Variants in PLXNA3 observed in about 807,000 individuals in gnomAD.
PLXNA3 encodes plexin A3.
Under a neutral mutation model 118.8 loss-of-function variants are expected in PLXNA3, and 52 were observed. The ratio of observed to expected loss-of-function variants is 0.44; its 90% CI spans 0.35 to 0.55. The LOEUF (loss-of-function observed/expected upper bound fraction) is 0.55, where lower values mean the gene tolerates loss of function less well. Among genes scored for constraint, PLXNA3 ranks in the 20% least tolerant of loss-of-function variants. The pLI is 0.01. For synonymous variants in PLXNA3, 925 were observed against 762.4 expected, an observed-to-expected ratio of 1.21 and a Z score of -3.51; for missense variants, 1,660 against 1,730.8, an observed-to-expected ratio of 0.96 and a Z score of 0.73.
rs782757513 is a variant in PLXNA3 at position 154,466,594 on chromosome X, C to G, written c.2937-29C>G. On this transcript the variant is annotated intron_variant, in intron 16 of 32. Transcript: ENST00000369682. ...GGGTGGCTGAGGGCCCTGGGCCACC[C>G]GCTCCAAGCACCCTGCTTGCCAATG... The G allele has an allele frequency of 1.1e-5, 13 of 1,192,683 alleles. No homozygotes were observed. The East Asian group carries it at 1.5e-4, about 14-fold the overall frequency.
Position 154,461,729 on chromosome X carries a change from G to C in PLXNA3, c.1134+91G>C, listed in dbSNP as rs781900809. On this transcript the variant is annotated intron_variant, in intron 3 of 32. Transcript: ENST00000369682. ...CTCACGGCCAGTCATCCTGTCCCAG[G>C]CTTTGCCATGGCCCTGGGAGTGGCA... 3.2e-6 allele frequency: 3 copies of C among 924,185 alleles called. No homozygotes were observed. The Admixed American group carries it at 8.6e-5, about 26-fold the overall frequency. 76.2% of individuals were successfully genotyped at this position (924,185 alleles called of 1,213,427 possible).
chrX:154,463,124 C>A (rs926672304), intron 4 of PLXNA3, among the ~76,000 whole-genome samples: 1 of 111,516 alleles, frequency 9.0e-6, no homozygotes, highest in African/African-American at 3.3e-5. Context: ...CTACCTCATT[C>A]TCCTAATCAA....
In PLXNA3 at chrX:154,464,435, C is replaced by T. The variant is rs1557206206; in HGVS notation, c.1862C>T (p.Ser621Phe). 3.3e-6 allele frequency: 4 copies of T among 1,211,350 alleles called. No homozygotes were observed. The highest frequency in any genetic ancestry group is 1.8e-5 in the South Asian group (1 of 57,010). Reference sequence around the variant, plus strand: ...CGCACTGTGCGGCTGCAGCTTCTCTCCAAGGAGACAGGCGTGAGGTTTGCC... The same window carrying T: ...CGCACTGTGCGGCTGCAGCTTCTCTTCAAGGAGACAGGCGTGAGGTTTGCC... ...ATRTVRLQLLSKETGVRFAGA... is the reference protein window; with the variant it reads ...ATRTVRLQLLFKETGVRFAGA... The change falls in exon 9 of 33, where the codon TCC becomes TTC. Residue 621 changes from serine (S) to phenylalanine (F), a missense_variant. This residue lies in a region of PLXNA3 where 791 missense variants were observed against 652.1 expected (regional missense o/e 1.21). Coordinates refer to ENST00000369682, the MANE Select transcript of PLXNA3 (RefSeq NM_017514.5).
Position 154,464,880 on chromosome X carries a change from G to A in PLXNA3, c.2043+12G>A, listed in dbSNP as rs200734243. On this transcript the variant is annotated intron_variant, in intron 10 of 32. Transcript: ENST00000369682. ...TCCACAGCCCTGAGGTGAGGCGGGCGCCGCATGTGAGGGGCTGGGCTCTGT... is the reference window on the plus strand; with the variant it reads ...TCCACAGCCCTGAGGTGAGGCGGGCACCGCATGTGAGGGGCTGGGCTCTGT... The A allele has an allele frequency of 1.7e-4, 200 of 1,147,124 alleles. No individual in the cohort carries two copies. The African/African-American group carries it at 2.2e-3, about 13-fold the overall frequency. The allele number at this position is 1,147,124 out of a possible 1,213,427, so 94.5% of individuals were successfully genotyped here. A position where few individuals can be genotyped will look rare whatever the true frequency, so the allele number is the denominator to read the frequency against.
At chrX:154,461,924 GGCTTCGCTCCTCGCTCCCT>G (rs1557204767) in intron 3 of PLXNA3, among the ~76,000 whole-genome samples, 185 bp from the exon 4 acceptor site, 1 of 112,154 alleles carries the variant, frequency 8.9e-6, no homozygotes, top group Non-Finnish European at 1.9e-5. Context: ...TGTGGGCCCA[GGCTTCGCTCCTCGCTCCCT>G]GCTGTCCCTC....
At position 154,461,108 on chromosome X, in the gene PLXNA3, G is replaced by C; in HGVS notation, c.604G>C (p.Asp202His). 1 of 1,197,974 alleles carries C rather than the reference G, an allele frequency of 8.3e-7. No individual in the cohort carries two copies. The highest frequency in any genetic ancestry group is 1.1e-6 in the Non-Finnish European group (1 of 885,483). Residue 202 changes from aspartate (D) to histidine (H), a missense_variant, in exon 3 of 33, where the codon GAT becomes CAT. Physicochemically the swap from Asp to His is moderately conservative, Grantham distance 81. This residue lies in a region of PLXNA3 where 791 missense variants were observed against 652.1 expected (regional missense o/e 1.21). Transcript: ENST00000369682. ...TCCCCCTGCTCCCCAGGTGTACCAG[G>C]ATGAGTTTGTGTCCTCCCAGATCAA... ...SADMFSLVYQ[D>H]EFVSSQIKIP...
chrX:154,464,771 G>T lies in PLXNA3; in HGVS notation c.1946G>T (p.Gly649Val). ...CCCCCCAGGTGCATGTCCTGTGTTG[G>T]CAGCCCTTACCCCTGCCACTGGTGT... ...SVLQSCMSCV[G>V]SPYPCHWCKY... Residue 649 changes from glycine to valine, a missense_variant, in exon 10 of 33, where the codon GGC becomes GTC. Physicochemically the swap from Gly to Val is moderately radical, Grantham distance 109. This residue lies in a region of PLXNA3 where 791 missense variants were observed against 652.1 expected (regional missense o/e 1.21). Transcript: ENST00000369682. 8.4e-7 allele frequency: 1 copy of T among 1,189,340 alleles called. No homozygotes were observed. Among genetic ancestry groups the T allele is most frequent in the African/African-American group, 1.7e-5 (1 of 57,383 alleles).
Position 154,467,113 on chromosome X carries a change from G to A in PLXNA3, c.3164G>A (p.Arg1055Gln). ...CACCTGCTGACGGTCCAGGAGCCCC[G>A]GGTCCGTGCCAAGTACCGCGGCATT... ...GTHLLTVQEP[R>Q]VRAKYRGIET... The change falls in exon 18 of 33, where the codon CGG becomes CAG. Residue 1055 changes from arginine (R) to glutamine (Q), a missense_variant. By Grantham distance (43) the Arg-to-Gln change is conservative. Around this residue, in one of 2 missense-constraint regions of PLXNA3, gnomAD observed 869 missense variants for 1,078.7 expected, o/e 0.81. Transcript: ENST00000369682. 8.3e-6 allele frequency: 10 copies of A among 1,210,600 alleles called. No individual in the cohort carries two copies. The highest frequency in any genetic ancestry group is 1.0e-5 in the Non-Finnish European group (9 of 895,091).
rs1557204347 is a variant in PLXNA3, at chrX:154,461,379, T to A, written c.875T>A (p.Val292Glu). 2.5e-6 allele frequency: 3 copies of A among 1,211,804 alleles called. No individual in the cohort carries two copies. The change falls in exon 3 of 33, where the codon GTG becomes GAG. Residue 292 changes from valine to glutamate, a missense_variant. Around this residue, in one of 2 missense-constraint regions of PLXNA3, gnomAD observed 791 missense variants for 652.1 expected, o/e 1.21. Coordinates refer to ENST00000369682, the MANE Select transcript of PLXNA3 (RefSeq NM_017514.5). ...TGGCGCGGCGTGGAGTACCGCTTGG[T>A]GCAGAGCGCCCACCTGGCCAAGCCT... ...CSWRGVEYRL[V>E]QSAHLAKPGL...
chrX:154,477,681 T>TG lies in PLXNA3; in HGVS notation c.*4997dup, dbSNP rs1454034936. 3.4e-6 allele frequency: 1 copy of TG among 290,377 alleles called. No individual in the cohort carries two copies. The highest frequency in any genetic ancestry group is 5.9e-6 in the Non-Finnish European group (1 of 168,767). The allele number at this position is 290,377 out of a possible 1,213,427, so 23.9% of individuals were successfully genotyped here. On this transcript the variant is annotated 3_prime_UTR_variant, in exon 33 of 33. Transcript: ENST00000369682. Reference sequence around the variant, plus strand: ...TTGTCTTCAATTTCCTTGTACTCCTTGAATATCTGAATTCTAGAACCCCCC... The same window carrying TG: ...TTGTCTTCAATTTCCTTGTACTCCTTGGAATATCTGAATTCTAGAACCCCCC...
intron 32 of PLXNA3, among the ~76,000 whole-genome samples, chrX:154,472,342 G>A (rs1390127463): frequency 1.8e-5 from 2 of 110,565 alleles, no homozygotes; most frequent in African/African-American, 6.6e-5. Flanking sequence ...ATCCAGCACG[G>A]CGAGTCCAGA....
rs1557204623 is a variant in PLXNA3, at chrX:154,461,649, C to A, written c.1134+11C>A. ...CCCTGCATCAACACCGTGAGCCCCTCATCACCCCACACTGGTCCTCTGCCC... is the reference window on the plus strand; with the variant it reads ...CCCTGCATCAACACCGTGAGCCCCTAATCACCCCACACTGGTCCTCTGCCC... On this transcript the variant is annotated intron_variant, in intron 3 of 32. Coordinates refer to ENST00000369682, the MANE Select transcript of PLXNA3 (RefSeq NM_017514.5). The A allele has an allele frequency of 1.7e-6, 2 of 1,172,901 alleles. No individual in the cohort carries two copies. The highest frequency in any genetic ancestry group is 3.8e-5 in the South Asian group (2 of 52,913).
intron 9 of PLXNA3, 98 bp downstream of exon 9, chrX:154,464,599 G>T: frequency 1.0e-5 from 8 of 782,504 alleles, no homozygotes; most frequent in Non-Finnish European, 1.3e-5. Context: ...GGCATCAGGG[G>T]CTAACTGTCA....
Position 154,474,058 on chromosome X carries a change from C to T in PLXNA3, c.*1373C>T, listed in dbSNP as rs1224807933. 2 of 112,150 alleles carry T rather than the reference C, an allele frequency of 1.8e-5. No homozygotes were observed. The highest frequency in any genetic ancestry group is 3.2e-5 in the African/African-American group (1 of 30,815). 9.2% of individuals were successfully genotyped at this position (112,150 alleles called of 1,213,427 possible). A position where few individuals can be genotyped will look rare whatever the true frequency, so the allele number is the denominator to read the frequency against. On this transcript the variant is annotated 3_prime_UTR_variant, in exon 33 of 33. Coordinates refer to ENST00000369682, the MANE Select transcript of PLXNA3 (RefSeq NM_017514.5). ...TCAAAACCTGACAATTGCATACTGT[C>T]GAGGTTGTGGCACCCATCATGGTGC... is the stretch of plus-strand genomic sequence containing the variant.
Position 154,469,729 on chromosome X carries a change from G to A in PLXNA3, c.4740G>A (p.Val1580=), listed in dbSNP as rs1557208679. 1 of 1,211,529 alleles carries A rather than the reference G, an allele frequency of 8.3e-7. No homozygotes were observed. Among genetic ancestry groups the A allele is most frequent in the Admixed American group, 2.2e-5 (1 of 46,124 alleles). The change falls in exon 28 of 33, where the codon GTG becomes GTA. Residue 1580 remains valine (V), a synonymous_variant. Transcript: ENST00000369682. ...TGGTGGCATTGGTGCCCAAACAAGT[G>A]TCTGCCTATAACATGGCCAACTCCT... ...GSLVALVPKQ[V]SAYNMANSFT...
Position 154,462,116 on chromosome X carries a change from C to G in PLXNA3, c.1135-12C>G, listed in dbSNP as rs999459478. On this transcript the variant is annotated splice_polypyrimidine_tract_variant and intron_variant, in intron 3 of 32. Transcript: ENST00000369682. ...GCTTTGACTCTCACGGGTTCCTCCTCTGTTTCACCAGCCCATGCAGATCAA... is the reference window on the plus strand; with the variant it reads ...GCTTTGACTCTCACGGGTTCCTCCTGTGTTTCACCAGCCCATGCAGATCAA... The G allele has an allele frequency of 1.0e-5, 12 of 1,168,672 alleles. No individual in the cohort carries two copies. The highest frequency in any genetic ancestry group is 1.4e-5 in the Non-Finnish European group (12 of 872,658).
Position 154,460,775 on chromosome X carries a change from C to T in PLXNA3, c.592C>T (p.Leu198Phe). The T allele has an allele frequency of 1.8e-6, 2 of 1,095,972 alleles. No homozygotes were observed. The highest frequency in any genetic ancestry group is 3.7e-5 in the African/African-American group (2 of 54,601). 90.3% of individuals were successfully genotyped at this position (1,095,972 alleles called of 1,213,427 possible). ...SDEDSADMFS[L>F]VYQDEFVSSQ... is the part of the protein sequence containing the mutation. ...TGAAGACAGCGCGGACATGTTCAGTCTCGTGCGTGAGCCTTCCTTCTCTTC... is the reference window on the plus strand; with the variant it reads ...TGAAGACAGCGCGGACATGTTCAGTTTCGTGCGTGAGCCTTCCTTCTCTTC... The change falls in exon 2 of 33, where the codon CTC becomes TTC. Residue 198 changes from leucine to phenylalanine, a missense_variant and splice_region_variant. This residue lies in a region of PLXNA3 where 791 missense variants were observed against 652.1 expected (regional missense o/e 1.21). Transcript: ENST00000369682.
In PLXNA3 at chrX:154,460,173, G is replaced by A. The variant is rs781867355; in HGVS notation, c.-11G>A. The A allele has an allele frequency of 9.4e-6, 11 of 1,168,154 alleles. No individual in the cohort carries two copies. Among genetic ancestry groups the A allele is most frequent in the African/African-American group, 5.3e-5 (3 of 56,647 alleles). ...TCTCCCTAGGCCTGTCCCCAGGCGC[G>A]GCTGCCGGCCATGCCCTCTGTCTGC... On this transcript the variant is annotated 5_prime_UTR_variant, in exon 2 of 33. Transcript: ENST00000369682.
rs1224612445 is a variant in PLXNA3 at position 154,475,393 on chromosome X, TC to T, written c.*2710del. The T allele has an allele frequency of 1.8e-5, 2 of 112,300 alleles. No homozygotes were observed. The highest frequency in any genetic ancestry group is 6.5e-5 in the African/African-American group (2 of 30,939). The allele number at this position is 112,300 out of a possible 1,213,427, so 9.3% of individuals were successfully genotyped here. A position where few individuals can be genotyped will look rare whatever the true frequency, so the allele number is the denominator to read the frequency against. ...TGGGATTACAGGCATGAGCCACTGT[TC>T]CTGGCCTTTCTTCTTTTTTTGTTTT... On this transcript the variant is annotated 3_prime_UTR_variant, in exon 33 of 33. Coordinates refer to ENST00000369682, the MANE Select transcript of PLXNA3 (RefSeq NM_017514.5).
Sources: allele counts gnomAD v4.1 joint callset (sites outside exome capture counted in the v4.1 genomes callset), GRCh38; gene constraint gnomAD v4.1.1; regional missense constraint gnomAD v4.1.1; transcripts MANE v1.5; gene names NCBI Gene and HGNC (gene_info 2026-07-23, HGNC 2026-07-21).